SLC5A4: variants seen among roughly 807,000 people sequenced by gnomAD.
The protein encoded by SLC5A4 is solute carrier family 5 member 4, also known as probable glucose sensor protein SLC5A4.
A neutral mutation model predicts 70.3 loss-of-function variants in SLC5A4; 55 were observed. The observed-to-expected ratio is 0.78, with a 90% CI of 0.63 to 0.98. The LOEUF is 0.98. SLC5A4 is among the 50% of genes least tolerant of loss of function. The pLI is 0.00. For synonymous variants in SLC5A4, 268 were observed against 305.7 expected, an observed-to-expected ratio of 0.88 and a Z score of 1.29; for missense variants, 735 against 839.2, an observed-to-expected ratio of 0.88 and a Z score of 1.53.
chr22:32,328,086 C>A, the SLC5A4 span, among the ~76,000 whole-genome samples: 1 of 131,712 alleles, frequency 7.6e-6, no homozygotes, highest in Non-Finnish European at 1.8e-5. Flanking sequence ...CACCAGAGCC[C>A]CCAACACACA....
chr22:32,237,195 G>T, intron 7 of SLC5A4, 49 bp downstream of exon 7: 2 of 1,320,018 alleles, frequency 1.5e-6, no homozygotes, highest in Non-Finnish European at 2.2e-6. Context: ...ACAGAAACAA[G>T]TCCCGTGATT....
chr22:32,314,543 A>T, the SLC5A4 span, among the ~76,000 whole-genome samples: 5 of 152,218 alleles, frequency 3.3e-5, no homozygotes, highest in Non-Finnish European at 7.3e-5. Flanking sequence ...TTCTTAAAAA[A>T]ATTAAGGACA....
chr22:32,301,392 T>C, the SLC5A4 span, among the ~76,000 whole-genome samples: 3 of 152,234 alleles, frequency 2.0e-5, no homozygotes, highest in African/African-American at 7.2e-5. Flanking sequence ...GTGGTTTTAA[T>C]ATGCATCTGC....
intron 7 of SLC5A4, among the ~76,000 whole-genome samples, chr22:32,236,174 T>C (rs1253547232): frequency 1.3e-5 from 2 of 152,232 alleles, no homozygotes; most frequent in African/African-American, 4.8e-5. Context: ...ACAATAGCAC[T>C]GTGCAATAGA....
At chr22:32,246,478 T>C (rs1926839554) in intron 5 of SLC5A4, among the ~76,000 whole-genome samples, 1 of 152,228 alleles carries the variant, frequency 6.6e-6, no homozygotes, top group African/African-American at 2.4e-5. Context: ...ATCTTCATAT[T>C]CCTTCCTTCT....
At chr22:32,335,851 G>A in the SLC5A4 span, among the ~76,000 whole-genome samples, 48 of 152,244 alleles carry the variant, frequency 3.2e-4, no homozygotes, top group African/African-American at 1.1e-3. Flanking sequence ...CAGGAAGTCC[G>A]ATCTGGACGG....
the SLC5A4 span, among the ~76,000 whole-genome samples, chr22:32,329,385 A>G: frequency 6.6e-6 from 1 of 152,200 alleles, no homozygotes; most frequent in Admixed American, 6.5e-5. Context: ...ATGTCTATTG[A>G]GTCGGGAGAA....
At chr22:32,272,438 AC>A in the SLC5A4 span, 1 of 852,372 alleles carries the variant, frequency 1.2e-6, no homozygotes, top group Non-Finnish European at 2.0e-6. Context: ...CTCTACATCC[AC>A]CAGATGATCA....
chr22:32,345,329 AC>A, the SLC5A4 span, among the ~76,000 whole-genome samples: 1 of 152,200 alleles, frequency 6.6e-6, no homozygotes, highest in Non-Finnish European at 1.5e-5. Flanking sequence ...TGTGAGAAAA[AC>A]AAAGATCATT....
the SLC5A4 span, among the ~76,000 whole-genome samples, chr22:32,326,556 C>G: frequency 2.6e-5 from 4 of 152,002 alleles, no homozygotes; most frequent in Admixed American, 1.3e-4. Context: ...TGCCCGGCCA[C>G]CTTCATAAAT....
At chr22:32,230,206 A>C (rs913009663) in intron 10 of SLC5A4, among the ~76,000 whole-genome samples, 1 of 152,054 alleles carries the variant, frequency 6.6e-6, no homozygotes, top group African/African-American at 2.4e-5. Flanking sequence ...TAAGGAAGGA[A>C]AGAGGGTCCC....
chr22:32,345,839 G>C, the SLC5A4 span, among the ~76,000 whole-genome samples: 1 of 152,172 alleles, frequency 6.6e-6, no homozygotes, highest in East Asian at 1.9e-4. Context: ...ACATTTATGC[G>C]ACCAGCATGT....
intron 13 of SLC5A4, among the ~76,000 whole-genome samples, chr22:32,221,831 A>C (rs1925100512): frequency 6.6e-6 from 1 of 152,074 alleles, no homozygotes; most frequent in African/African-American, 2.4e-5. Flanking sequence ...GCTCACTGCA[A>C]CCTCCGCCTC....
intron 3 of SLC5A4, among the ~76,000 whole-genome samples, chr22:32,250,660 G>A (rs1302253909): frequency 6.6e-6 from 1 of 152,186 alleles, no homozygotes; most frequent in Admixed American, 6.5e-5. Flanking sequence ...GCACATGTAT[G>A]TTTATTGCAG....
the SLC5A4 span, among the ~76,000 whole-genome samples, chr22:32,348,664 AC>A: frequency 6.6e-6 from 1 of 152,216 alleles, no homozygotes; most frequent in Non-Finnish European, 1.5e-5. Flanking sequence ...TTAATTAATG[AC>A]TATAAGGTAA....
At chr22:32,351,359 A>G in the SLC5A4 span, among the ~76,000 whole-genome samples, 2 of 152,012 alleles carry the variant, frequency 1.3e-5, no homozygotes, top group Non-Finnish European at 2.9e-5. Context: ...ATAATTATCC[A>G]ACTGATTTTT....
At chr22:32,319,154 TTGGCTCTCC>T in the SLC5A4 span, among the ~76,000 whole-genome samples, 2 of 152,214 alleles carry the variant, frequency 1.3e-5, no homozygotes, top group Admixed American at 6.5e-5. Flanking sequence ...ATTCACACCA[TTGGCTCTCC>T]TGGCTCTCAG....
At chr22:32,341,302 G>C in the SLC5A4 span, among the ~76,000 whole-genome samples, 1 of 152,044 alleles carries the variant, frequency 6.6e-6, no homozygotes, top group Non-Finnish European at 1.5e-5. Context: ...CTAAGATCAG[G>C]GAGATGAGGA....
At chr22:32,308,985 C>CTAGA in the SLC5A4 span, among the ~76,000 whole-genome samples, 1 of 152,236 alleles carries the variant, frequency 6.6e-6, no homozygotes, top group South Asian at 2.1e-4. Context: ...GTCGCCCAGA[C>CTAGA]TAGAGTGCAG....
Sources: gnomAD v4.1 joint callset for allele counts (sites outside exome capture counted in the v4.1 genomes callset) on GRCh38, gnomAD v4.1.1 for gene constraint, MANE v1.5 for transcripts, NCBI Gene and HGNC (gene_info 2026-07-23, HGNC 2026-07-21) for gene names.